Variants in HPSE observed in about 807,000 individuals in gnomAD.
HPSE encodes heparanase.
A neutral mutation model predicts 65.1 loss-of-function variants in HPSE; 48 were observed. That is an observed-to-expected ratio of 0.74 (90% CI 0.58 to 0.94). The LOEUF is 0.94. HPSE is among the 40% of genes least tolerant of loss of function. The pLI, the probability that HPSE is intolerant of heterozygous loss-of-function variation, is 0.00. For missense variants in HPSE, 644 were observed against 637.5 expected (o/e 1.01, Z -0.11); for synonymous variants, 243 against 260.0 (o/e 0.93, Z 0.63).
At position 83,295,404 on chromosome 4, in the gene HPSE, C is replaced by T; in HGVS notation, c.1572G>A (p.Leu524=). The T allele has an allele frequency of 6.2e-7, 1 of 1,613,106 alleles. No individual in the cohort carries two copies. Among genetic ancestry groups the T allele is most frequent in the East Asian group, 2.2e-5 (1 of 44,868 alleles). Residue 524 remains leucine (L), a synonymous_variant, in exon 12 of 12, where the codon TTG becomes TTA. Coordinates refer to ENST00000311412, the MANE Select transcript of HPSE (RefSeq NM_001098540.3). The part of the protein sequence containing the change: ...KPLRPGSSLG[L]PAFSYSFFVI... ...CAAAAAAACTATATGAGAAAGCTGGCAAGCCCAGTGAACTTCCTGGCCGGA... is the reference window on the plus strand; with the variant it reads ...CAAAAAAACTATATGAGAAAGCTGGTAAGCCCAGTGAACTTCCTGGCCGGA...
intron 2 of HPSE, among the ~76,000 whole-genome samples, chr4:83,320,792 C>T (rs748877166): frequency 1.3e-5 from 2 of 152,164 alleles, no homozygotes; most frequent in Non-Finnish European, 2.9e-5. Context: ...CAGTTTCCCC[C>T]ACCGACCATC....
At chr4:83,309,653 T>TA (rs1483217921) in intron 6 of HPSE, among the ~76,000 whole-genome samples, 158 bp from the exon 7 acceptor site, 12 of 152,092 alleles carry the variant, frequency 7.9e-5, no homozygotes, top group African/African-American at 2.9e-4. Flanking sequence ...GGAAGGGAGT[T>TA]ATGAGGAGGA....
Position 83,306,298 on chromosome 4 carries a change from G to C in HPSE, c.1111C>G (p.Leu371Val). Reference sequence around the variant, plus strand: ...ACTTCTATTCCCATTCGGGCTGACAGGCCCAATTTATCCAGCCACCTGGGA... The same window carrying C: ...ACTTCTATTCCCATTCGGGCTGACACGCCCAATTTATCCAGCCACCTGGGA... ...AGFMWLDKLG[L>V]SARMGIEVVM... Residue 371 changes from leucine to valine, a missense_variant, in exon 9 of 12, where the codon CTG becomes GTG. Physicochemically the swap from Leu to Val is conservative, Grantham distance 32. Coordinates refer to ENST00000311412, the MANE Select transcript of HPSE (RefSeq NM_001098540.3). The C allele has an allele frequency of 1.2e-6, 2 of 1,611,108 alleles. No homozygotes were observed. Among genetic ancestry groups the C allele is most frequent in the African/African-American group, 1.3e-5 (1 of 74,984 alleles).
At chr4:83,310,665 C>CT in intron 5 of HPSE, 57 bp downstream of exon 5, 1 of 1,502,182 alleles carries the variant, frequency 6.7e-7, no homozygotes, top group Non-Finnish European at 9.1e-7. Context: ...GAGTGAGACT[C>CT]TGTCTCAAAA....
chr4:83,300,943 C>A lies in HPSE; in HGVS notation c.1472+17G>T. On this transcript the variant is annotated intron_variant, in intron 11 of 11. Coordinates refer to ENST00000311412, the MANE Select transcript of HPSE (RefSeq NM_001098540.3). ...AAATTTATTGAAAGTTTGGAATGAA[C>A]AAGGAAAATTACTTACTTGGAAAGT... 1 of 1,539,852 alleles carries A rather than the reference C, an allele frequency of 6.5e-7. No homozygotes were observed. Among genetic ancestry groups the A allele is most frequent in the Non-Finnish European group, 8.8e-7 (1 of 1,135,540 alleles).
intron 11 of HPSE, among the ~76,000 whole-genome samples, chr4:83,299,132 G>C (rs1735837664): frequency 6.6e-6 from 1 of 151,962 alleles, no homozygotes; most frequent in African/African-American, 2.4e-5. Context: ...GGGAGGCTAA[G>C]GCAGGTGGAT....
At chr4:83,303,239 T>C (rs2126184579) in intron 9 of HPSE, among the ~76,000 whole-genome samples, 1 of 152,250 alleles carries the variant, frequency 6.6e-6, no homozygotes, top group Non-Finnish European at 1.5e-5. Context: ...CTAAATGATA[T>C]CATAGGGAAT....
At chr4:83,330,544 G>T (rs776372665) in intron 1 of HPSE, among the ~76,000 whole-genome samples, 3 of 152,192 alleles carry the variant, frequency 2.0e-5, no homozygotes, top group African/African-American at 7.2e-5. Flanking sequence ...TTATCAAAAC[G>T]TGTGTTTAAC....
Position 83,301,064 on chromosome 4 carries a change from G to T in HPSE, c.1368C>A (p.Asn456Lys). The T allele has an allele frequency of 1.2e-6, 2 of 1,605,808 alleles. No homozygotes were observed. Among genetic ancestry groups the T allele is most frequent in the South Asian group, 2.2e-5 (2 of 89,972 alleles). ...KEGDLTLYAI[N>K]LHNVTKYLRL... Reference sequence around the variant, plus strand: ...GCAAGTACTTGGTGACATTATGGAGGTTTATGGCATACAGAGTTAAATCTC... The same window carrying T: ...GCAAGTACTTGGTGACATTATGGAGTTTTATGGCATACAGAGTTAAATCTC... Residue 456 changes from asparagine (N) to lysine (K), a missense_variant, in exon 11 of 12, where the codon AAC (asparagine) becomes AAA (lysine). By Grantham distance (94) the Asn-to-Lys change is moderately conservative. Coordinates refer to ENST00000311412, the MANE Select transcript of HPSE (RefSeq NM_001098540.3).
At chr4:83,324,960 T>C (rs960618942) in intron 1 of HPSE, among the ~76,000 whole-genome samples, 3 of 152,200 alleles carry the variant, frequency 2.0e-5, no homozygotes, top group Admixed American at 1.3e-4. Context: ...ATAGTACTCA[T>C]AGTGTAATTT....
chr4:83,302,267 T>C lies in HPSE; in HGVS notation c.1208A>G (p.Asp403Gly). ...LVDENFDPLP[D>G]YWLSLLFKKL... ...CTTGAACAGAAGAGATAGCCAATAA[T>C]CCTAGTTGTGGTGGTTGGGGAGAAA... Residue 403 changes from aspartate (D) to glycine (G), a missense_variant and splice_region_variant, in exon 10 of 12, where the codon GAT (aspartate) becomes GGT (glycine). Physicochemically the swap from Asp to Gly is moderately conservative, Grantham distance 94. Transcript: ENST00000311412. 1.2e-6 allele frequency: 2 copies of C among 1,602,372 alleles called. No homozygotes were observed. The highest frequency in any genetic ancestry group is 2.7e-5 in the African/African-American group (2 of 74,784).
rs1269215155 is a variant in HPSE at position 83,310,017 on chromosome 4, G to A, written c.890+14C>T. On this transcript the variant is annotated intron_variant, in intron 6 of 11. Coordinates refer to ENST00000311412, the MANE Select transcript of HPSE (RefSeq NM_001098540.3). ...CCTTACTTTCCTAGTATTAAGAATA[G>A]GAGACATACTTACTGATGCCATGTA... The A allele has an allele frequency of 1.3e-6, 2 of 1,589,774 alleles. No individual in the cohort carries two copies. Among genetic ancestry groups the A allele is most frequent in the African/African-American group, 1.3e-5 (1 of 74,296 alleles).
intron 9 of HPSE, among the ~76,000 whole-genome samples, chr4:83,303,850 A>G (rs545810714): frequency 6.6e-6 from 1 of 152,324 alleles, no homozygotes; most frequent in Non-Finnish European, 1.5e-5. Flanking sequence ...ATTTATAGAT[A>G]AAGTAATATA....
In HPSE at chr4:83,322,308, C is replaced by T. The variant is rs759481610; in HGVS notation, c.284G>A (p.Gly95Asp). The T allele has an allele frequency of 2.5e-6, 4 of 1,613,818 alleles. No individual in the cohort carries two copies. Among genetic ancestry groups the T allele is most frequent in the Non-Finnish European group, 3.4e-6 (4 of 1,179,840 alleles). The change falls in exon 2 of 12, where the codon GGT becomes GAT. Residue 95 changes from glycine (G) to aspartate (D), a missense_variant. Physicochemically the swap from Gly to Asp is moderately conservative, Grantham distance 94. Transcript: ENST00000311412. ...AATTAGGAAGTCTGTCTTGGTGCCA[C>T]CAAACCTCAGGTACGCAGGAGACAA... is the stretch of plus-strand genomic sequence containing the variant. Reference protein sequence around the residue: ...RGLSPAYLRFGGTKTDFLIFD... With the variant: ...RGLSPAYLRFDGTKTDFLIFD...
chr4:83,296,274 GTAGGTC>G (rs1172202728), intron 11 of HPSE, among the ~76,000 whole-genome samples: 3 of 152,314 alleles, frequency 2.0e-5, no homozygotes, highest in South Asian at 4.1e-4. Context: ...TTAGTCGGCT[GTAGGTC>G]TATTGATATT....
intron 8 of HPSE, among the ~76,000 whole-genome samples, chr4:83,308,353 G>A (rs1267238385): frequency 2.0e-5 from 3 of 152,102 alleles, no homozygotes; most frequent in African/African-American, 7.2e-5. Flanking sequence ...TTGCAGTGAG[G>A]TGAGATCGTG....
intron 11 of HPSE, among the ~76,000 whole-genome samples, chr4:83,296,732 T>C (rs1482742869): frequency 6.6e-6 from 1 of 151,948 alleles, no homozygotes; most frequent in African/African-American, 2.4e-5. Flanking sequence ...CAGAGTTATA[T>C]TTATATCATT....
intron 1 of HPSE, among the ~76,000 whole-genome samples, chr4:83,331,153 G>A (rs967652968): frequency 1.1e-4 from 16 of 151,932 alleles, no homozygotes; most frequent in African/African-American, 1.7e-4. Context: ...GCAGTGAGCC[G>A]AGGTAACGCC....
chr4:83,313,716 T>A (rs1175725881), intron 3 of HPSE, among the ~76,000 whole-genome samples: 3 of 152,142 alleles, frequency 2.0e-5, no homozygotes, highest in Non-Finnish European at 4.4e-5. Flanking sequence ...AAACAATTTT[T>A]AAAAAAATTC....
Sources: allele counts gnomAD v4.1 joint callset (sites outside exome capture counted in the v4.1 genomes callset), GRCh38; gene constraint gnomAD v4.1.1; transcripts MANE v1.5; gene names NCBI Gene and HGNC (gene_info 2026-07-23, HGNC 2026-07-21).